CD48: variants seen among roughly 807,000 people sequenced by gnomAD.
The protein encoded by CD48 is CD48 molecule, also known as CD48 antigen.
CD48 carries 20 observed loss-of-function variants against 22.0 expected under a neutral mutation model. The ratio of observed to expected loss-of-function variants is 0.91; its 90% CI spans 0.64 to 1.32. CD48 has a LOEUF of 1.32. Ranked by LOEUF, CD48 falls within the 40% of genes most tolerant of loss-of-function variation. The probability of loss-of-function intolerance (pLI) is 0.00; values close to 1 mark genes in which losing one functional copy is unlikely to be tolerated. For missense variants in CD48, 307 were observed against 286.5 expected (o/e 1.07, Z -0.52); for synonymous variants, 110 against 110.1 (o/e 1.00, Z 0.01).
chr1:160,682,260 G>C (rs1176003392), intron 2 of CD48, among the ~76,000 whole-genome samples: 1 of 150,806 alleles, frequency 6.6e-6, no homozygotes, highest in Non-Finnish European at 1.5e-5. Flanking sequence ...ACCAGCCTGG[G>C]CAACATTGAG....
chr1:160,681,242 G>A lies in CD48; in HGVS notation c.612C>T (p.Ser204=), dbSNP rs1200744694. 7 of 1,614,178 alleles carry A rather than the reference G, an allele frequency of 4.3e-6. No homozygotes were observed. The South Asian group carries it at 7.7e-5, about 18-fold the overall frequency. ...GACTGAGGCAGACCGTGCCATTCTT[G>A]CTGCTCACAGAATTGCTGACTTGGC... ...YTCQVSNSVS[S]KNGTVCLSPP... The change falls in exon 3 of 4, where the codon AGC becomes AGT. Residue 204 remains serine (S), a synonymous_variant. Transcript: ENST00000368046.
intron 1 of CD48, 144 bp from the exon 2 acceptor site, chr1:160,685,333 A>G (rs1223777132): frequency 1.5e-6 from 1 of 647,656 alleles, no homozygotes; most frequent in African/African-American, 1.8e-5. Context: ...CTGGAGGTCC[A>G]GGTCTCCTGC....
intron 1 of CD48, among the ~76,000 whole-genome samples, chr1:160,709,224 T>A (rs577956276): frequency 2.0e-5 from 3 of 152,282 alleles, no homozygotes; most frequent in Admixed American, 2.0e-4. Flanking sequence ...CTAGAGAAGA[T>A]GTTTAAGAGA....
chr1:160,701,610 G>A (rs561061688), intron 1 of CD48, among the ~76,000 whole-genome samples: 1 of 152,230 alleles, frequency 6.6e-6, no homozygotes, highest in Non-Finnish European at 1.5e-5. Context: ...CTGACTGGGA[G>A]CACTAGAAGA....
At chr1:160,680,636 T>C in intron 3 of CD48, 4 of 1,008,688 alleles carry the variant, frequency 4.0e-6, no homozygotes, top group Non-Finnish European at 4.7e-6. Context: ...GACAGGGGAA[T>C]CTGGCTTCCT....
At chr1:160,700,638 G>A (rs1037395264) in intron 1 of CD48, among the ~76,000 whole-genome samples, 57 of 152,238 alleles carry the variant, frequency 3.7e-4, no homozygotes, top group South Asian at 4.1e-4. Context: ...AAGCCTCAGA[G>A]GTCAAAATCC....
At position 160,685,167 on chromosome 1, in the gene CD48, C is replaced by T. The variant is rs775984183; in HGVS notation, c.105G>A (p.Val35=). The T allele has an allele frequency of 3.7e-6, 6 of 1,610,548 alleles. No homozygotes were observed. In the South Asian group the frequency reaches 6.6e-5, roughly 18 times the overall value. ...TCAGAGTCACGTTGCTGCCGGAGAC[C>T]ACGGTCATATGTACCAAGTGACCTG... ...SIQGHLVHMT[V]VSGSNVTLNI... Residue 35 remains valine, a synonymous_variant, in exon 2 of 4, where the codon GTG becomes GTA. Transcript: ENST00000368046.
intron 1 of CD48, among the ~76,000 whole-genome samples, chr1:160,697,837 G>A (rs202145165): frequency 8.3e-4 from 114 of 136,768 alleles, no homozygotes; most frequent in East Asian, 2.0e-3. Context: ...AAACTCAGTC[G>A]TGTCCAAGTG....
intron 1 of CD48, among the ~76,000 whole-genome samples, chr1:160,686,086 G>C (rs1661990077): frequency 6.6e-6 from 1 of 152,130 alleles, no homozygotes; most frequent in Admixed American, 6.5e-5. Flanking sequence ...AAACAAGATA[G>C]GTCAGATAAT....
rs71628185 is a variant in CD48, at chr1:160,682,900, C to A, written c.386-1432G>T. Among the ~76,000 whole-genome samples the A allele has an allele frequency of 6.0e-3, 920 of 152,298 alleles. 8 individuals are homozygous for A. Among genetic ancestry groups the A allele is most frequent in the Non-Finnish European group, 1.0e-2 (677 of 68,020 alleles). On this transcript the variant is annotated intron_variant, in intron 2 of 3. Coordinates refer to ENST00000368046, the MANE Select transcript of CD48 (RefSeq NM_001778.4). ...TTTCATTCTGGTCAGGGTGAAACAT[C>A]TGCAGAATCAATGCAACTCAAATCC...
At chr1:160,689,918 T>G (rs142847709) in intron 1 of CD48, among the ~76,000 whole-genome samples, 9 of 152,284 alleles carry the variant, frequency 5.9e-5, no homozygotes, top group African/African-American at 2.2e-4. Flanking sequence ...TTATGGAAAA[T>G]TTTTTGCCTG....
At chr1:160,695,885 G>A (rs993838494) in intron 1 of CD48, among the ~76,000 whole-genome samples, 8 of 152,222 alleles carry the variant, frequency 5.3e-5, no homozygotes, top group East Asian at 1.9e-4. Context: ...ACAAGATTAC[G>A]AATAATAAAA....
intron 1 of CD48, chr1:160,699,326 AG>A (rs1662544987): frequency 6.3e-6 from 1 of 157,732 alleles, no homozygotes; most frequent in South Asian, 1.9e-4. Context: ...TCAAGTACCC[AG>A]GGACACAAAC....
At chr1:160,706,204 A>C (rs1297681860) in intron 1 of CD48, among the ~76,000 whole-genome samples, 1 of 152,114 alleles carries the variant, frequency 6.6e-6, no homozygotes, top group Non-Finnish European at 1.5e-5. Context: ...CCTCCCAAGT[A>C]GCTAGGATTA....
chr1:160,709,099 G>A (rs1259584708), intron 1 of CD48, among the ~76,000 whole-genome samples: 1 of 152,186 alleles, frequency 6.6e-6, no homozygotes, highest in Admixed American at 6.5e-5. Flanking sequence ...AAATCTGTGG[G>A]CAAAGTAAAT....
At chr1:160,697,793 CCTCG>C in intron 1 of CD48, among the ~76,000 whole-genome samples, 1 of 152,084 alleles carries the variant, frequency 6.6e-6, no homozygotes, top group Non-Finnish European at 1.5e-5. Context: ...AGATTGGGCA[CCTCG>C]AGGTCAATTC....
chr1:160,698,676 C>A (rs1456285453), intron 1 of CD48, among the ~76,000 whole-genome samples: 2 of 152,078 alleles, frequency 1.3e-5, no homozygotes, highest in African/African-American at 2.4e-5. Context: ...TTTTGTATTA[C>A]ACCCCAAATT....
rs936467741 is a variant in CD48, at chr1:160,681,425, G to A, written c.429C>T (p.Asp143=). Residue 143 remains aspartate (D), a synonymous_variant, in exon 3 of 4, where the codon GAC becomes GAT. Transcript: ENST00000368046. ...GTTTCAGATAACAGTTGTCATCCAT[G>A]TCTTCTATCTTCTCAATTTTGATGA... ...KPVIKIEKIE[D]MDDNCYLKLS... 6.2e-7 allele frequency: 1 copy of A among 1,614,044 alleles called. No individual in the cohort carries two copies. The highest frequency in any genetic ancestry group is 8.5e-7 in the Non-Finnish European group (1 of 1,179,904).
At chr1:160,707,974 G>A (rs1662841295) in intron 1 of CD48, among the ~76,000 whole-genome samples, 2 of 152,178 alleles carry the variant, frequency 1.3e-5, no homozygotes, top group Admixed American at 1.3e-4. Context: ...TCATTCCAGT[G>A]AATCAACAAA....
Sources: gnomAD v4.1 joint callset for allele counts (sites outside exome capture counted in the v4.1 genomes callset) on GRCh38, gnomAD v4.1.1 for gene constraint, MANE v1.5 for transcripts, NCBI Gene and HGNC (gene_info 2026-07-23, HGNC 2026-07-21) for gene names.